Variants in PACRG observed in about 807,000 individuals in gnomAD.
PACRG encodes the protein parkin coregulated.
A neutral mutation model predicts 29.7 loss-of-function variants in PACRG; 29 were observed. The ratio of observed to expected loss-of-function variants is 0.98; its 90% CI spans 0.73 to 1.33. The LOEUF is 1.33. PACRG is among the 40% of genes most tolerant of loss of function. PACRG has a pLI of 0.00. For synonymous variants in PACRG, 116 were observed against 118.7 expected (o/e 0.98, Z 0.15); for missense variants, 279 against 316.2 (o/e 0.88, Z 0.89).
chr6:163,067,288 T>C (rs1811642715), intron 3 of PACRG, among the ~76,000 whole-genome samples: 1 of 152,206 alleles, frequency 6.6e-6, no homozygotes. Flanking sequence ...CAAGGCCTGC[T>C]AGGGCACAGT....
intron 4 of PACRG, among the ~76,000 whole-genome samples, chr6:163,313,591 A>C (rs1203610666): frequency 6.6e-6 from 1 of 152,212 alleles, no homozygotes; most frequent in Non-Finnish European, 1.5e-5. Flanking sequence ...TATTATTTTC[A>C]CATTCAAACA....
At chr6:162,911,488 G>A (rs1380701260) in intron 2 of PACRG, among the ~76,000 whole-genome samples, 1 of 152,134 alleles carries the variant, frequency 6.6e-6, no homozygotes, top group Non-Finnish European at 1.5e-5. Context: ...CAATGTTTTT[G>A]AAAAATATAT....
At chr6:162,933,688 G>A (rs1798029889) in intron 2 of PACRG, among the ~76,000 whole-genome samples, 1 of 136,692 alleles carries the variant, frequency 7.3e-6, no homozygotes. Context: ...TTCCATTTGT[G>A]TGGAATATTT....
chr6:162,890,045 A>G (rs62429015), intron 2 of PACRG, among the ~76,000 whole-genome samples: 27,736 of 152,276 alleles, frequency 0.18, 3,241 homozygotes, highest in Non-Finnish European at 0.25. Flanking sequence ...GTAATTTAGA[A>G]AGAAATGACT....
At chr6:163,166,222 C>G (rs1385019469) in intron 4 of PACRG, 1 of 456,258 alleles carries the variant, frequency 2.2e-6, no homozygotes. Context: ...TGTCTTCTCT[C>G]CCTGCTCTCC....
chr6:162,813,732 G>A (rs995724471), intron 1 of PACRG, among the ~76,000 whole-genome samples: 8 of 152,074 alleles, frequency 5.3e-5, no homozygotes, highest in African/African-American at 1.9e-4. Context: ...AGATTGAAAT[G>A]TTTTAAATTA....
chr6:162,909,772 T>A (rs1584731367), intron 2 of PACRG, among the ~76,000 whole-genome samples: 1 of 152,112 alleles, frequency 6.6e-6, no homozygotes, highest in Non-Finnish European at 1.5e-5. Context: ...GTAAGGGCCA[T>A]GAATTATCTG....
At chr6:163,252,220 G>A (rs750383700) in intron 4 of PACRG, among the ~76,000 whole-genome samples, 1 of 152,252 alleles carries the variant, frequency 6.6e-6, no homozygotes, top group African/African-American at 2.4e-5. Context: ...GAGGGCCGCA[G>A]CCCCTGCTGC....
At chr6:162,734,915 C>A (rs1176569884) in intron 1 of PACRG, among the ~76,000 whole-genome samples, 2 of 152,196 alleles carry the variant, frequency 1.3e-5, no homozygotes, top group African/African-American at 4.8e-5. Context: ...TTCCCACATG[C>A]TAACCTTCTT....
intron 4 of PACRG, among the ~76,000 whole-genome samples, chr6:163,215,637 T>A (rs1293838785): frequency 2.0e-5 from 3 of 152,184 alleles, no homozygotes; most frequent in Non-Finnish European, 4.4e-5. Context: ...ATGAGCAATC[T>A]GGGCTGGAAA....
chr6:162,870,312 C>CT (rs1373167357), intron 2 of PACRG, among the ~76,000 whole-genome samples: 1 of 152,222 alleles, frequency 6.6e-6, no homozygotes, highest in African/African-American at 2.4e-5. Context: ...TTACAATACT[C>CT]TAACTTTTTT....
intron 2 of PACRG, among the ~76,000 whole-genome samples, chr6:162,860,795 G>A (rs1261554480): frequency 2.6e-5 from 4 of 152,164 alleles, no homozygotes; most frequent in African/African-American, 7.2e-5. Context: ...CGGAGGCTTA[G>A]AGTGGATAAT....
At chr6:163,004,701 AGTG>A (rs1804881901) in intron 2 of PACRG, among the ~76,000 whole-genome samples, 2 of 131,506 alleles carry the variant, frequency 1.5e-5, no homozygotes, top group South Asian at 5.0e-4. Context: ...ACAAAGTTCT[AGTG>A]TGTGTGTGTG....
At chr6:163,095,400 T>C (rs1002654201) in intron 4 of PACRG, 40 of 985,338 alleles carry the variant, frequency 4.1e-5, no homozygotes, top group Non-Finnish European at 3.9e-5. Context: ...GGTAGGGCGA[T>C]GTCTAAAGAA....
intron 4 of PACRG, among the ~76,000 whole-genome samples, chr6:163,160,982 C>A (rs1778532297): frequency 1.3e-5 from 2 of 152,088 alleles, no homozygotes; most frequent in Admixed American, 6.6e-5. Flanking sequence ...ACCTGGAGCC[C>A]AGAGCTACTG....
chr6:163,250,443 C>T (rs569602690), intron 4 of PACRG, among the ~76,000 whole-genome samples: 1 of 152,320 alleles, frequency 6.6e-6, no homozygotes, highest in African/African-American at 2.4e-5. Context: ...GAAAGCATTG[C>T]ATTTTACTAT....
At chr6:162,994,809 G>T (rs1009374344) in intron 2 of PACRG, among the ~76,000 whole-genome samples, 1 of 151,290 alleles carries the variant, frequency 6.6e-6, no homozygotes, top group African/African-American at 2.5e-5. Context: ...TGGAGGAGGA[G>T]AGGCGCTCTG....
rs575515255 is a variant in PACRG, at chr6:163,313,814, G to A, written c.614-1013G>A. On this transcript the variant is annotated intron_variant, in intron 4 of 4. Transcript: ENST00000366888. The stretch of plus-strand genomic sequence containing the variant: ...GGACACACTCATGACTTGCTTGCTG[G>A]GAGAATAAATGTCGTTGAAGCCCTT... The A allele has an allele frequency of 5.3e-5, 8 of 152,290 alleles. No individual in the cohort carries two copies. In the East Asian group the frequency reaches 1.2e-3, roughly 22 times the overall value. 9.4% of individuals were successfully genotyped at this position (152,290 alleles called of 1,614,324 possible).
intron 4 of PACRG, among the ~76,000 whole-genome samples, chr6:163,144,233 C>CAAAAAAAAAAAA (rs754157729): frequency 9.8e-5 from 10 of 101,844 alleles, no homozygotes; most frequent in Middle Eastern, 6.3e-3. Context: ...CGTCTCAAAA[C>CAAAAAAAAAAAA]AAAAAAAAAA....
Sources: gnomAD v4.1 joint callset for allele counts (sites outside exome capture counted in the v4.1 genomes callset) on GRCh38, gnomAD v4.1.1 for gene constraint, MANE v1.5 for transcripts, NCBI Gene and HGNC (gene_info 2026-07-23, HGNC 2026-07-21) for gene names.